The following ST6GALNAC3 variants were observed in gnomAD, a reference collection of about 807,000 sequenced individuals.
The protein encoded by ST6GALNAC3 is ST6 N-acetylgalactosaminide alpha-2,6-sialyltransferase 3.
Under a neutral mutation model 32.7 loss-of-function variants are expected in ST6GALNAC3, and 25 were observed. The ratio of observed to expected loss-of-function variants is 0.76; its 90% CI spans 0.56 to 1.07. ST6GALNAC3 has a LOEUF of 1.07. ST6GALNAC3 is among the 50% of genes least tolerant of loss of function. ST6GALNAC3 has a pLI of 0.00. For missense variants in ST6GALNAC3, 355 were observed against 382.4 expected (o/e 0.93, Z 0.60); for synonymous variants, 129 against 133.1 (o/e 0.97, Z 0.21).
chr1:76,555,017 C>A (rs1664837242), intron 3 of ST6GALNAC3, among the ~76,000 whole-genome samples: 1 of 152,116 alleles, frequency 6.6e-6, no homozygotes. Flanking sequence ...TAGGTTAAAT[C>A]ATTTTTCTTC....
chr1:76,542,597 G>T (rs574761595), intron 3 of ST6GALNAC3, among the ~76,000 whole-genome samples: 1 of 152,136 alleles, frequency 6.6e-6, no homozygotes, highest in African/African-American at 2.4e-5. Flanking sequence ...CACTGATGAT[G>T]CTTGCTCTCT....
At chr1:76,203,543 A>G (rs1654655638) in intron 1 of ST6GALNAC3, among the ~76,000 whole-genome samples, 1 of 152,136 alleles carries the variant, frequency 6.6e-6, no homozygotes, top group Non-Finnish European at 1.5e-5. Flanking sequence ...GGAAAATTAC[A>G]AGAAAGTTTA....
chr1:76,359,500 C>T lies in ST6GALNAC3; in HGVS notation c.213+45501C>T, dbSNP rs138138524. Among the ~76,000 whole-genome samples, 5 of 152,222 alleles carry T rather than the reference C, an allele frequency of 3.3e-5. No individual in the cohort carries two copies. The East Asian group carries it at 9.7e-4, about 29-fold the overall frequency. On this transcript the variant is annotated intron_variant, in intron 2 of 4. Coordinates refer to ENST00000328299, the MANE Select transcript of ST6GALNAC3 (RefSeq NM_152996.4). ...TATGTTTCCACAGATCACGGAACTA[C>T]CAGAAGTTAGCAGAGAGGCCTGGAA...
intron 3 of ST6GALNAC3, among the ~76,000 whole-genome samples, chr1:76,465,495 T>C (rs1658563049): frequency 6.6e-6 from 1 of 152,198 alleles, no homozygotes; most frequent in African/African-American, 2.4e-5. Flanking sequence ...TGGCCAGTTA[T>C]AAATTTAATT....
chr1:76,296,386 TTC>T (rs1660406733), intron 1 of ST6GALNAC3, among the ~76,000 whole-genome samples: 1 of 152,126 alleles, frequency 6.6e-6, no homozygotes, highest in African/African-American at 2.4e-5. Context: ...AATTCAGTTG[TTC>T]TCTTTTCTTT....
chr1:76,576,792 G>C, intron 3 of ST6GALNAC3: 3 of 1,255,418 alleles, frequency 2.4e-6, no homozygotes, highest in Non-Finnish European at 3.2e-6. Flanking sequence ...GTAGTGATTT[G>C]CATGTCTAAC....
At chr1:76,164,658 A>C (rs1442096144) in intron 1 of ST6GALNAC3, among the ~76,000 whole-genome samples, 1 of 152,162 alleles carries the variant, frequency 6.6e-6, no homozygotes, top group Non-Finnish European at 1.5e-5. Context: ...GCAATCTTTA[A>C]ATACACTATT....
intron 1 of ST6GALNAC3, among the ~76,000 whole-genome samples, chr1:76,208,091 T>C (rs768402636): frequency 7.2e-6 from 1 of 139,676 alleles, no homozygotes; most frequent in Non-Finnish European, 1.5e-5. Flanking sequence ...AGTCCTTTCA[T>C]GCCTCAGGGA....
chr1:76,262,391 G>A (rs1329576010), intron 1 of ST6GALNAC3, among the ~76,000 whole-genome samples: 1 of 152,200 alleles, frequency 6.6e-6, no homozygotes, highest in Non-Finnish European at 1.5e-5. Flanking sequence ...CATATGGAAA[G>A]TTGTATGCAT....
At chr1:76,156,867 G>T (rs1651470614) in intron 1 of ST6GALNAC3, among the ~76,000 whole-genome samples, 1 of 152,200 alleles carries the variant, frequency 6.6e-6, no homozygotes, top group African/African-American at 2.4e-5. Context: ...AAGTAGCTGG[G>T]ACTACAGGCG....
intron 1 of ST6GALNAC3, among the ~76,000 whole-genome samples, chr1:76,140,616 CTTTTCTTTCTTTCTT>C (rs1212781417): frequency 7.9e-6 from 1 of 125,890 alleles, no homozygotes; most frequent in African/African-American, 2.8e-5. Flanking sequence ...TTCTTTCTTT[CTTTTCTTTCTTTCTT>C]TTTTTTTTTT....
intron 1 of ST6GALNAC3, among the ~76,000 whole-genome samples, chr1:76,145,370 C>A (rs1650609953): frequency 6.6e-6 from 1 of 152,134 alleles, no homozygotes; most frequent in South Asian, 2.1e-4. Context: ...TCATCTATTG[C>A]CTTTCAACTC....
intron 1 of ST6GALNAC3, among the ~76,000 whole-genome samples, chr1:76,223,750 ATTCT>A (rs931337266): frequency 1.3e-5 from 2 of 151,978 alleles, no homozygotes; most frequent in African/African-American, 4.8e-5. Context: ...ATACTAATTA[ATTCT>A]TTCAGTCTTT....
intron 1 of ST6GALNAC3, among the ~76,000 whole-genome samples, chr1:76,229,226 C>T (rs936025672): frequency 6.6e-6 from 1 of 152,142 alleles, no homozygotes; most frequent in African/African-American, 2.4e-5. Flanking sequence ...CAGTAACCAT[C>T]TAGGAAGCTA....
At chr1:76,364,119 G>A (rs1392251199) in intron 2 of ST6GALNAC3, among the ~76,000 whole-genome samples, 5 of 152,132 alleles carry the variant, frequency 3.3e-5, no homozygotes, top group Non-Finnish European at 4.4e-5. Context: ...TACAAGGAAC[G>A]TATAAAACTC....
rs1416917889 is a variant in ST6GALNAC3, at chr1:76,634,329, A to C, written c.*5523A>C. On this transcript the variant is annotated 3_prime_UTR_variant, in exon 5 of 5. Transcript: ENST00000328299. ...TAGCTTTTTGTTACCTAATCTACAA[A>C]GTACTAATTTCCTTGTGTTTAGCTT... 3 of 202,588 alleles carry C rather than the reference A, an allele frequency of 1.5e-5. No homozygotes were observed. Among genetic ancestry groups the C allele is most frequent in the African/African-American group, 7.1e-5 (3 of 42,300 alleles). The allele number at this position is 202,588 out of a possible 1,614,324, so 12.5% of individuals were successfully genotyped here.
Position 76,294,317 on chromosome 1 carries a change from G to A in ST6GALNAC3, c.19-19488G>A, listed in dbSNP as rs144418478. ...ATCAATACATTTTCAGAGTCAAAAA[G>A]CACTGGGAAACAGTTTCTTTTTTGG... On this transcript the variant is annotated intron_variant, in intron 1 of 4. Transcript: ENST00000328299. Among the ~76,000 whole-genome samples, 419 of 151,826 alleles carry A rather than the reference G, an allele frequency of 2.8e-3. 2 individuals carry two copies. The highest frequency in any genetic ancestry group is 9.3e-3 in the African/African-American group (387 of 41,408).
chr1:76,410,531 A>G (rs142930198), intron 2 of ST6GALNAC3, among the ~76,000 whole-genome samples: 109 of 152,130 alleles, frequency 7.2e-4, no homozygotes, highest in Middle Eastern at 3.4e-3. Context: ...AACATATTAT[A>G]TGGGATGATA....
At chr1:76,402,317 G>A (rs2101222532) in intron 2 of ST6GALNAC3, among the ~76,000 whole-genome samples, 1 of 152,122 alleles carries the variant, frequency 6.6e-6, no homozygotes, top group East Asian at 1.9e-4. Flanking sequence ...AATGTACAAT[G>A]TAAATATATC....
Sources: allele counts gnomAD v4.1 joint callset (sites outside exome capture counted in the v4.1 genomes callset), GRCh38; gene constraint gnomAD v4.1.1; transcripts MANE v1.5; gene names NCBI Gene and HGNC (gene_info 2026-07-23, HGNC 2026-07-21).